The following COL19A1 variants were observed in gnomAD, a reference collection of about 807,000 sequenced individuals.
COL19A1 encodes the protein collagen type XIX alpha 1 chain.
A neutral mutation model predicts 190.2 loss-of-function variants in COL19A1; 159 were observed. The observed-to-expected ratio is 0.84, with a 90% CI of 0.73 to 0.95. The LOEUF is 0.95. COL19A1 is among the 40% of genes least tolerant of loss of function. The pLI is 0.00. For missense variants in COL19A1, 1,418 were observed against 1,431.9 expected (o/e 0.99, Z 0.16); for synonymous variants, 509 against 458.9 (o/e 1.11, Z -1.39).
intron 16 of COL19A1, 122 bp from the exon 17 acceptor site, chr6:70,121,758 G>C (rs754355053): frequency 6.4e-6 from 4 of 628,788 alleles, no homozygotes; most frequent in Non-Finnish European, 1.1e-5. Context: ...CAGAATATTT[G>C]ACTAAATAGA....
At chr6:70,124,058 G>C (rs980434571) in intron 17 of COL19A1, among the ~76,000 whole-genome samples, 1 of 150,826 alleles carries the variant, frequency 6.6e-6, no homozygotes, top group Non-Finnish European at 1.5e-5. Context: ...GTCATTTGCA[G>C]CAACATGGAT....
At chr6:70,153,595 G>T (rs552944444) in intron 31 of COL19A1, among the ~76,000 whole-genome samples, 1 of 152,072 alleles carries the variant, frequency 6.6e-6, no homozygotes, top group South Asian at 2.1e-4. Flanking sequence ...ATTTTTTAAT[G>T]TTTCACTTAA....
At chr6:70,122,730 C>A (rs1414635193) in intron 17 of COL19A1, among the ~76,000 whole-genome samples, 2 of 152,080 alleles carry the variant, frequency 1.3e-5, no homozygotes, top group African/African-American at 4.8e-5. Flanking sequence ...CTTTCCCTTC[C>A]TGTAATTTTT....
chr6:69,932,067 A>G (rs1477046457), intron 6 of COL19A1, among the ~76,000 whole-genome samples: 1 of 152,124 alleles, frequency 6.6e-6, no homozygotes. Context: ...TATTTTATCA[A>G]TAATCAGTAC....
In COL19A1 at chr6:70,210,177, G is replaced by T. The variant is rs1244655101; in HGVS notation, c.*2903G>T. Among the ~76,000 whole-genome samples, 1 of 152,034 alleles carries T rather than the reference G, an allele frequency of 6.6e-6. No homozygotes were observed. Among genetic ancestry groups the T allele is most frequent in the Non-Finnish European group, 1.5e-5 (1 of 68,012 alleles). ...CATGACGACGATTAATATTAAAACT[G>T]TGATTTCCATATACAAGTATGTTTG... is the stretch of plus-strand genomic sequence containing the variant. On this transcript the variant is annotated 3_prime_UTR_variant, in exon 51 of 51. Transcript: ENST00000620364.
intron 48 of COL19A1, among the ~76,000 whole-genome samples, chr6:70,192,809 G>T (rs1279548486): frequency 3.3e-5 from 5 of 152,158 alleles, no homozygotes; most frequent in Non-Finnish European, 5.9e-5. Flanking sequence ...GCTAGTCCTG[G>T]GGACAGGACA....
chr6:69,873,841 T>G (rs1767978002), intron 1 of COL19A1, among the ~76,000 whole-genome samples: 1 of 152,186 alleles, frequency 6.6e-6, no homozygotes, highest in Non-Finnish European at 1.5e-5. Context: ...GTGAGCCATC[T>G]TTGGACAAGT....
In COL19A1 at chr6:69,929,540, G is replaced by T. The variant is rs753339843; in HGVS notation, c.506G>T (p.Arg169Leu). The change falls in exon 6 of 51, where the codon CGT becomes CTT. Residue 169 changes from arginine to leucine, a missense_variant. By Grantham distance (102) the Arg-to-Leu change is moderately radical. Coordinates refer to ENST00000620364, the MANE Select transcript of COL19A1 (RefSeq NM_001858.6). ...CGAGAACTCCGTCCTTTGTTTGATCGTCAGTGGCACAAACTTGGCATTAGT... is the reference window on the plus strand; with the variant it reads ...CGAGAACTCCGTCCTTTGTTTGATCTTCAGTGGCACAAACTTGGCATTAGT... ...RNRELRPLFDRQWHKLGISIQ... is the reference protein window; with the variant it reads ...RNRELRPLFDLQWHKLGISIQ... 1 of 1,613,844 alleles carries T rather than the reference G, an allele frequency of 6.2e-7. No individual in the cohort carries two copies. Among genetic ancestry groups the T allele is most frequent in the Non-Finnish European group, 8.5e-7 (1 of 1,179,942 alleles).
intron 17 of COL19A1, among the ~76,000 whole-genome samples, chr6:70,125,693 A>G (rs1045178273): frequency 6.6e-6 from 1 of 152,216 alleles, no homozygotes; most frequent in Non-Finnish European, 1.5e-5. Context: ...GGATTTTTGC[A>G]TGCCTACTTA....
chr6:70,125,899 A>G (rs1298479516), intron 17 of COL19A1, among the ~76,000 whole-genome samples: 2 of 152,166 alleles, frequency 1.3e-5, no homozygotes, highest in African/African-American at 2.4e-5. Context: ...TAAAAATTTG[A>G]TAGGCTCTGT....
intron 4 of COL19A1, among the ~76,000 whole-genome samples, chr6:69,922,868 T>A (rs949678247): frequency 6.6e-6 from 1 of 152,132 alleles, no homozygotes; most frequent in Non-Finnish European, 1.5e-5. Flanking sequence ...CACTCACTCA[T>A]TCAACAGATA....
chr6:70,066,033 C>G (rs2150147880), intron 14 of COL19A1, among the ~76,000 whole-genome samples: 1 of 152,302 alleles, frequency 6.6e-6, no homozygotes, highest in South Asian at 2.1e-4. Context: ...TTGTGGAAGA[C>G]AATGCAGCGA....
chr6:70,091,118 CTTTA>C (rs1483840907), intron 15 of COL19A1, among the ~76,000 whole-genome samples: 1 of 152,098 alleles, frequency 6.6e-6, no homozygotes, highest in African/African-American at 2.4e-5. Context: ...AAATTCGTAT[CTTTA>C]TTTATTTAGT....
intron 27 of COL19A1, among the ~76,000 whole-genome samples, chr6:70,148,222 C>T (rs1786799472): frequency 1.3e-5 from 2 of 151,946 alleles, no homozygotes; most frequent in African/African-American, 2.4e-5. Context: ...GAAAGGCAAG[C>T]TTCTAACTGT....
intron 15 of COL19A1, among the ~76,000 whole-genome samples, chr6:70,069,591 C>T (rs976474999): frequency 1.6e-4 from 25 of 152,072 alleles, no homozygotes; most frequent in East Asian, 3.9e-4. Context: ...GAGGCAAGTA[C>T]GCCCCATACC....
chr6:70,084,824 A>G (rs1424634949), intron 15 of COL19A1, among the ~76,000 whole-genome samples: 1 of 152,124 alleles, frequency 6.6e-6, no homozygotes, highest in African/African-American at 2.4e-5. Flanking sequence ...TGGTTCCTTG[A>G]AATTTTTATT....
intron 1 of COL19A1, among the ~76,000 whole-genome samples, chr6:69,879,021 T>A (rs528349759): frequency 6.6e-6 from 1 of 152,324 alleles, no homozygotes; most frequent in Non-Finnish European, 1.5e-5. Context: ...GAAAGTAGAA[T>A]GAAGGCTGCT....
intron 18 of COL19A1, among the ~76,000 whole-genome samples, chr6:70,133,610 C>T (rs1785655123): frequency 6.6e-6 from 1 of 152,158 alleles, no homozygotes; most frequent in South Asian, 2.1e-4. Context: ...GAGAAAATAG[C>T]AGGTGTCTTG....
At chr6:70,085,881 C>G (rs1782555540) in intron 15 of COL19A1, among the ~76,000 whole-genome samples, 1 of 152,096 alleles carries the variant, frequency 6.6e-6, no homozygotes, top group South Asian at 2.1e-4. Context: ...CCATATGATA[C>G]CCAATTTGTA....
Sources: gnomAD v4.1 joint callset for allele counts (sites outside exome capture counted in the v4.1 genomes callset) on GRCh38, gnomAD v4.1.1 for gene constraint, MANE v1.5 for transcripts, NCBI Gene and HGNC (gene_info 2026-07-23, HGNC 2026-07-21) for gene names.